DBT: variants seen among roughly 807,000 people sequenced by gnomAD.
DBT encodes lipoamide acyltransferase component of branched-chain alpha-keto acid dehydrogenase complex, mitochondrial.
In DBT, 40 loss-of-function variants were observed where a neutral mutation model predicts 51.3. The observed-to-expected ratio is 0.78, with a 90% CI of 0.61 to 1.02. The LOEUF is 1.02. Among genes scored for constraint, DBT ranks in the 50% least tolerant of loss-of-function variants. The pLI is 0.00. For synonymous variants in DBT, 181 were observed against 190.4 expected (o/e 0.95, Z 0.41); for missense variants, 510 against 580.2 (o/e 0.88, Z 1.24).
chr1:100,203,241 G>A (rs535497359), intron 10 of DBT, among the ~76,000 whole-genome samples: 94 of 152,138 alleles, frequency 6.2e-4, no homozygotes, highest in Non-Finnish European at 4.9e-4. Context: ...GAATCAAATA[G>A]ACACAATAAA....
At chr1:100,222,409 A>G (rs1662902291) in intron 4 of DBT, among the ~76,000 whole-genome samples, 1 of 152,198 alleles carries the variant, frequency 6.6e-6, no homozygotes, top group African/African-American at 2.4e-5. Flanking sequence ...AAGTCCCATT[A>G]CTCTAGATGC....
At chr1:100,198,425 A>G (rs2100765236) in intron 10 of DBT, among the ~76,000 whole-genome samples, 2 of 152,350 alleles carry the variant, frequency 1.3e-5, no homozygotes, top group South Asian at 4.1e-4. Flanking sequence ...GATGGTGGCA[A>G]ACAATGTAAA....
In DBT at chr1:100,218,676, G is replaced by A; in HGVS notation, c.505C>T (p.Arg169Ter). 2 of 1,613,746 alleles carry A rather than the reference G, an allele frequency of 1.2e-6. No homozygotes were observed. The highest frequency in any genetic ancestry group is 1.7e-6 in the Non-Finnish European group (2 of 1,179,910). The stretch of plus-strand genomic sequence containing the variant: ...ACTGCAGGAGTTGCCAGTGTTTTTC[G>A]GCCCTTTATCTCTTGGTGTGTATGT... ...DEHTHQEIKG[R>*]KTLATPAVRR... Residue 169 changes from arginine to a stop codon, truncating the protein, a stop_gained, in exon 5 of 11, where the codon CGA becomes TGA. Transcript: ENST00000370132. LOFTEE classifies it high-confidence loss of function.
rs1338367935 is a variant in DBT, at chr1:100,206,604, A to G, written c.1050T>C (p.Thr350=). Residue 350 remains threonine (T), a synonymous_variant, in exon 9 of 11, where the codon ACT becomes ACC. Coordinates refer to ENST00000370132, the MANE Select transcript of DBT (RefSeq NM_001918.5). ...ASHNIGIAMD[T]EQGLIVPNVK... is the part of the protein sequence containing the mutation. ...CATTAGGGACAATCAAACCCTGCTC[A>G]GTATCCATTGCTATCCCAATGTTAT... 1 of 1,611,560 alleles carries G rather than the reference A, an allele frequency of 6.2e-7. No homozygotes were observed. Among genetic ancestry groups the G allele is most frequent in the South Asian group, 1.1e-5 (1 of 91,026 alleles).
At position 100,220,694 on chromosome 1, in the gene DBT, A is replaced by G. The variant is rs117051058; in HGVS notation, c.434-1947T>C. 2.6e-4 allele frequency among the ~76,000 whole-genome samples: 39 copies of G among 152,380 alleles called. No homozygotes were observed. The East Asian group carries it at 7.3e-3, about 29-fold the overall frequency. On this transcript the variant is annotated intron_variant, in intron 4 of 10. Transcript: ENST00000370132. ...TCCCCATTTTATAGACAGTTTAAAA[A>G]GTGAGGTTTGACTGAACAGATTGGC...
intron 4 of DBT, among the ~76,000 whole-genome samples, chr1:100,224,196 C>T (rs753655959): frequency 2.6e-5 from 4 of 152,124 alleles, no homozygotes; most frequent in East Asian, 1.9e-4. Context: ...TAATTTTCCA[C>T]CTGTAAAATG....
chr1:100,199,540 G>C (rs1661311203), intron 10 of DBT, among the ~76,000 whole-genome samples: 1 of 152,176 alleles, frequency 6.6e-6, no homozygotes, highest in South Asian at 2.1e-4. Context: ...ATTACACACA[G>C]AGGCAGCCAC....
chr1:100,201,572 C>T (rs1435190032), intron 10 of DBT, among the ~76,000 whole-genome samples: 4 of 152,036 alleles, frequency 2.6e-5, no homozygotes, highest in African/African-American at 9.7e-5. Flanking sequence ...AGATACTCCT[C>T]GAGAAGAGCA....
Position 100,206,442 on chromosome 1 carries a change from C to T in DBT, c.1209+3G>A, listed in dbSNP as rs772972052. 3 of 1,607,990 alleles carry T rather than the reference C, an allele frequency of 1.9e-6. No homozygotes were observed. The highest frequency in any genetic ancestry group is 2.2e-5 in the South Asian group (2 of 90,970). ...GTTTATGTATTTCAACATTATTACTCACTGATCCAATGTTGGAAAGAGTAA... is the reference window on the plus strand; with the variant it reads ...GTTTATGTATTTCAACATTATTACTTACTGATCCAATGTTGGAAAGAGTAA... On this transcript the variant is annotated splice_donor_region_variant and intron_variant, in intron 9 of 10. Coordinates refer to ENST00000370132, the MANE Select transcript of DBT (RefSeq NM_001918.5).
At chr1:100,226,334 A>G (rs1298218818) in intron 4 of DBT, among the ~76,000 whole-genome samples, 1 of 133,610 alleles carries the variant, frequency 7.5e-6, no homozygotes, top group Non-Finnish European at 1.5e-5. Flanking sequence ...CCCAGGCTAG[A>G]GTGCAGTGGC....
At chr1:100,244,442 T>C (rs1664416507) in intron 1 of DBT, among the ~76,000 whole-genome samples, 1 of 152,178 alleles carries the variant, frequency 6.6e-6, no homozygotes, top group Non-Finnish European at 1.5e-5. Flanking sequence ...GTTTATTGAA[T>C]AGATTATAAC....
chr1:100,219,652 G>C (rs1054208963), intron 4 of DBT, among the ~76,000 whole-genome samples: 69 of 151,216 alleles, frequency 4.6e-4, no homozygotes, highest in Admixed American at 1.8e-3. Flanking sequence ...GGAAGCTGAG[G>C]CGGGGAGAAT....
chr1:100,246,279 T>A (rs1461490368), intron 1 of DBT, among the ~76,000 whole-genome samples: 1 of 151,954 alleles, frequency 6.6e-6, no homozygotes, highest in Admixed American at 6.6e-5. Flanking sequence ...AATAAAAAAT[T>A]AATAATTCAA....
intron 4 of DBT, among the ~76,000 whole-genome samples, chr1:100,223,445 G>A (rs569643814): frequency 3.3e-5 from 5 of 152,166 alleles, no homozygotes; most frequent in South Asian, 2.1e-4. Flanking sequence ...ACTACCACCC[G>A]TCTAACTTTT....
rs769583943 is a variant in DBT, at chr1:100,190,097, A to G, written c.*6158T>C. 6.6e-6 allele frequency: 1 copy of G among 152,236 alleles called. No homozygotes were observed. Among genetic ancestry groups the G allele is most frequent in the Non-Finnish European group, 1.5e-5 (1 of 68,040 alleles). 9.4% of individuals were successfully genotyped at this position (152,236 alleles called of 1,614,324 possible). A position where few individuals can be genotyped will look rare whatever the true frequency, so the allele number is the denominator to read the frequency against. On this transcript the variant is annotated 3_prime_UTR_variant, in exon 11 of 11. Transcript: ENST00000370132. Reference sequence around the variant, plus strand: ...GCTCAGAGTTCGAGTTTTACTAACTAGACTTGCAGATTAATCTCAAAATAT... The same window carrying G: ...GCTCAGAGTTCGAGTTTTACTAACTGGACTTGCAGATTAATCTCAAAATAT...
At chr1:100,196,490 G>A in intron 10 of DBT, 68 bp from the exon 11 acceptor site, 1 of 1,531,560 alleles carries the variant, frequency 6.5e-7, no homozygotes, top group Non-Finnish European at 8.7e-7. Flanking sequence ...CTTGTTCAGA[G>A]CTCAAGCTCT....
intron 7 of DBT, among the ~76,000 whole-genome samples, 177 bp downstream of exon 7, chr1:100,214,640 G>C (rs1662375976): frequency 6.6e-6 from 1 of 152,202 alleles, no homozygotes; most frequent in Non-Finnish European, 1.5e-5. Flanking sequence ...TGTATTCCCA[G>C]CTACTCAGGA....
intron 10 of DBT, among the ~76,000 whole-genome samples, chr1:100,198,548 T>C (rs1386783840): frequency 6.6e-6 from 1 of 152,170 alleles, no homozygotes; most frequent in Non-Finnish European, 1.5e-5. Flanking sequence ...AAGAAGATAA[T>C]CTCTTTAAGG....
At chr1:100,203,786 G>C (rs533226920) in intron 10 of DBT, among the ~76,000 whole-genome samples, 185 of 152,296 alleles carry the variant, frequency 1.2e-3, no homozygotes, top group African/African-American at 4.3e-3. Context: ...AGGATGCAAG[G>C]CTGGTTCAAC....
Sources: gnomAD v4.1 joint callset for allele counts (sites outside exome capture counted in the v4.1 genomes callset) on GRCh38, gnomAD v4.1.1 for gene constraint, MANE v1.5 for transcripts, NCBI Gene and HGNC (gene_info 2026-07-23, HGNC 2026-07-21) for gene names.